Variants in GRSF1 observed in about 807,000 individuals in gnomAD.
GRSF1 encodes the protein G-rich RNA sequence binding factor 1.
GRSF1 carries 50 observed loss-of-function variants against 51.1 expected under a neutral mutation model. That is an observed-to-expected ratio of 0.98 (90% CI 0.78 to 1.24). The LOEUF is 1.24. GRSF1 is among the 50% of genes most tolerant of loss of function. GRSF1 has a pLI of 0.00. For missense variants in GRSF1, 700 were observed against 639.7 expected (o/e 1.09, Z -1.02); for synonymous variants, 293 against 253.3 (o/e 1.16, Z -1.49).
intron 1 of GRSF1, among the ~76,000 whole-genome samples, chr4:70,837,979 C>A (rs1358920228): frequency 6.6e-6 from 1 of 151,844 alleles, no homozygotes; most frequent in Admixed American, 6.6e-5. Flanking sequence ...CGCCTGTAAT[C>A]CCAGCACTTT....
At chr4:70,828,814 T>C (rs1733839340) in intron 5 of GRSF1, among the ~76,000 whole-genome samples, 1 of 151,024 alleles carries the variant, frequency 6.6e-6, no homozygotes, top group Admixed American at 6.7e-5. Context: ...CTTGGCTCAC[T>C]GCAACCTCTG....
At chr4:70,839,931 T>G (rs1002227862), upstream of GRSF1, 324 of 847,726 alleles carry the variant, frequency 3.8e-4, no homozygotes, top group East Asian at 1.0e-3. Flanking sequence ...GCCTGGCACA[T>G]GCGCCGCGGG....
At chr4:70,822,678 T>A (rs1030471362) in intron 9 of GRSF1, among the ~76,000 whole-genome samples, 2 of 151,804 alleles carry the variant, frequency 1.3e-5, no homozygotes, top group African/African-American at 4.8e-5. Context: ...AAGTCACATA[T>A]CCAGTCTATT....
chr4:70,827,749 A>G, intron 6 of GRSF1, 103 bp downstream of exon 6: 2 of 795,680 alleles, frequency 2.5e-6, no homozygotes, highest in Non-Finnish European at 4.1e-6. Flanking sequence ...ACTGCACTCC[A>G]GCCTGGCAAC....
In GRSF1 at chr4:70,839,862, T is replaced by A. The variant is rs752608379; in HGVS notation, c.-35A>T. 8 of 1,450,798 alleles carry A rather than the reference T, an allele frequency of 5.5e-6. No individual in the cohort carries two copies. In the East Asian group the frequency reaches 1.2e-4, roughly 21 times the overall value. The allele number at this position is 1,450,798 out of a possible 1,614,324, so 89.9% of individuals were successfully genotyped here. A position where few individuals can be genotyped will look rare whatever the true frequency, so the allele number is the denominator to read the frequency against. ...AGGCGGCGCAGGGCCTGAAGGCAGC[T>A]GCTCCAGCAGCGATGGTGGAACGGA... On this transcript the variant is annotated 5_prime_UTR_variant, in exon 1 of 10. Transcript: ENST00000254799.
chr4:70,826,388 A>G (rs1196074018), intron 6 of GRSF1, 143 bp from the exon 7 acceptor site: 3 of 654,636 alleles, frequency 4.6e-6, no homozygotes, highest in Non-Finnish European at 5.0e-6. Flanking sequence ...AATTTCTGCC[A>G]CTCAACAAAT....
chr4:70,821,521 G>A (rs562628771), intron 9 of GRSF1, among the ~76,000 whole-genome samples: 2 of 151,212 alleles, frequency 1.3e-5, no homozygotes, highest in South Asian at 2.1e-4. Context: ...CAGGAGAATC[G>A]CTTGAACCCG....
At chr4:70,832,773 C>T (rs943462433) in intron 3 of GRSF1, among the ~76,000 whole-genome samples, 5 of 152,150 alleles carry the variant, frequency 3.3e-5, no homozygotes, top group Admixed American at 1.3e-4. Flanking sequence ...TATGGTAAAA[C>T]CCCATCTCTA....
intron 5 of GRSF1, among the ~76,000 whole-genome samples, chr4:70,828,317 T>C (rs1733814842): frequency 3.3e-5 from 5 of 152,344 alleles, no homozygotes; most frequent in African/African-American, 1.2e-4. Context: ...AGAACAACTA[T>C]GCTTAAGTTA....
upstream of GRSF1, among the ~76,000 whole-genome samples, chr4:70,840,955 A>AC (rs1200685941): frequency 6.6e-6 from 1 of 151,978 alleles, no homozygotes; most frequent in Non-Finnish European, 1.5e-5. Context: ...GAGATTTGGT[A>AC]CCCCCCGAAT....
intron 2 of GRSF1, 72 bp from the exon 3 acceptor site, chr4:70,833,345 A>C: frequency 7.5e-7 from 1 of 1,337,772 alleles, no homozygotes; most frequent in Non-Finnish European, 1.0e-6. Flanking sequence ...AGTCACAAGA[A>C]TGCAGTTTTC....
chr4:70,840,113 A>G (rs1189032729), upstream of GRSF1, among the ~76,000 whole-genome samples: 13 of 57,630 alleles, frequency 2.3e-4, no homozygotes, highest in African/African-American at 9.7e-4. Flanking sequence ...GGGGCTGCCC[A>G]TGGTTTGGGC....
At chr4:70,831,310 G>A (rs960127968) in intron 5 of GRSF1, among the ~76,000 whole-genome samples, 18 of 151,464 alleles carry the variant, frequency 1.2e-4, no homozygotes, top group Admixed American at 7.2e-4. Context: ...AGCCAAGATC[G>A]TGCCATTGCA....
At chr4:70,827,226 T>C (rs1165638580) in intron 6 of GRSF1, among the ~76,000 whole-genome samples, 1 of 151,060 alleles carries the variant, frequency 6.6e-6, no homozygotes, top group East Asian at 2.0e-4. Flanking sequence ...AGGCGGAACC[T>C]GCAGTGAGCC....
chr4:70,822,909 A>G (rs1477002356), intron 9 of GRSF1, among the ~76,000 whole-genome samples: 1 of 152,004 alleles, frequency 6.6e-6, no homozygotes, highest in Admixed American at 6.6e-5. Flanking sequence ...AGCCTGGCCA[A>G]CATGGTGAAA....
intron 6 of GRSF1, among the ~76,000 whole-genome samples, chr4:70,827,511 G>A (rs770936902): frequency 3.3e-5 from 5 of 152,090 alleles, no homozygotes; most frequent in Non-Finnish European, 7.4e-5. Context: ...TAGGCCGGGT[G>A]TGTTGGCTCA....
Position 70,832,410 on chromosome 4 carries a change from C to T in GRSF1, c.711G>A (p.Lys237=), listed in dbSNP as rs1274382563. The change falls in exon 4 of 10, where the codon AAG becomes AAA. Residue 237 remains lysine (K), a synonymous_variant. Coordinates refer to ENST00000254799, the MANE Select transcript of GRSF1 (RefSeq NM_002092.4). Reference sequence around the variant, plus strand: ...CAGGCGAAGATTTGACCTGCAAGCTCTTCATTAAGGCATCCACATCTTCAT... The same window carrying T: ...CAGGCGAAGATTTGACCTGCAAGCTTTTCATTAAGGCATCCACATCTTCAT... ...INNEDVDALM[K]SLQVKSSPVV... 2 of 1,610,616 alleles carry T rather than the reference C, an allele frequency of 1.2e-6. No homozygotes were observed.
At chr4:70,823,368 G>C (rs553448309) in intron 9 of GRSF1, among the ~76,000 whole-genome samples, 2 of 151,882 alleles carry the variant, frequency 1.3e-5, no homozygotes, top group South Asian at 4.2e-4. Context: ...TTGCACTCCA[G>C]CCTGGGCAAC....
intron 1 of GRSF1, among the ~76,000 whole-genome samples, chr4:70,838,678 T>C (rs1734324688): frequency 6.6e-6 from 1 of 152,158 alleles, no homozygotes; most frequent in Non-Finnish European, 1.5e-5. Flanking sequence ...ACAAAATATT[T>C]GCAATCTAAC....
Sources: gnomAD v4.1 joint callset for allele counts (sites outside exome capture counted in the v4.1 genomes callset) on GRCh38, gnomAD v4.1.1 for gene constraint, MANE v1.5 for transcripts, NCBI Gene and HGNC (gene_info 2026-07-23, HGNC 2026-07-21) for gene names.